ANKS6: variants seen among roughly 807,000 people sequenced by gnomAD.
The protein encoded by ANKS6 is ankyrin repeat and SAM domain-containing protein 6.
In ANKS6, 47 loss-of-function variants were observed where a neutral mutation model predicts 77.9. That is an observed-to-expected ratio of 0.60 (90% confidence interval 0.48 to 0.77). The LOEUF is 0.77. Among genes scored for constraint, ANKS6 ranks in the 30% least tolerant of loss-of-function variants. ANKS6 has a pLI of 0.00. For missense variants in ANKS6, 1,150 were observed against 1,159.1 expected, an observed-to-expected ratio of 0.99 and a Z score of 0.11; for synonymous variants, 488 against 501.7, an observed-to-expected ratio of 0.97 and a Z score of 0.37.
chr9:98,770,251 C>G (rs1325766626), intron 10 of ANKS6, among the ~76,000 whole-genome samples: 1 of 152,172 alleles, frequency 6.6e-6, no homozygotes, highest in Non-Finnish European at 1.5e-5. Context: ...TGCCTTTCAG[C>G]TTCTGCATGA....
At position 98,733,739 on chromosome 9, in the gene ANKS6, G is replaced by C. The variant is rs942047645; in HGVS notation, c.*2780C>G. 28 of 985,398 alleles carry C rather than the reference G, an allele frequency of 2.8e-5. No individual in the cohort carries two copies. In the African/African-American group the frequency reaches 4.7e-4, roughly 17 times the overall value. The allele number at this position is 985,398 out of a possible 1,614,324, so 61.0% of individuals were successfully genotyped here. A position where few individuals can be genotyped will look rare whatever the true frequency, so the allele number is the denominator to read the frequency against. ...TGCTGGCATGCTGAAGGTTGTGAGAGGCCTGTAGCAAAGATGATCGTGTAG... is the reference window on the plus strand; with the variant it reads ...TGCTGGCATGCTGAAGGTTGTGAGACGCCTGTAGCAAAGATGATCGTGTAG... On this transcript the variant is annotated 3_prime_UTR_variant, in exon 15 of 15. Coordinates refer to ENST00000353234, the MANE Select transcript of ANKS6 (RefSeq NM_173551.5).
At chr9:98,771,275 C>T (rs1219201559) in intron 9 of ANKS6, among the ~76,000 whole-genome samples, 1 of 152,220 alleles carries the variant, frequency 6.6e-6, no homozygotes, top group Admixed American at 6.5e-5. Context: ...ACATCATTTC[C>T]CATGGGCCAC....
chr9:98,796,502 A>ACGCGCGGCCCGCTCC lies in ANKS6; in HGVS notation c.-26_-12dup, dbSNP rs1835186885. On this transcript the variant is annotated 5_prime_UTR_variant, in exon 1 of 15. Coordinates refer to ENST00000353234, the MANE Select transcript of ANKS6 (RefSeq NM_173551.5). ...CCCGCCCTCGCCCATCGCCGCCGCC[A>ACGCGCGGCCCGCTCC]CGCGCGGCCCGCTCCCGTCCGCCCC... 1.0e-6 allele frequency: 1 copy of ACGCGCGGCCCGCTCC among 986,262 alleles called. No individual in the cohort carries two copies. 61.1% of individuals were successfully genotyped at this position (986,262 alleles called of 1,614,324 possible).
In ANKS6 at chr9:98,734,610, C is replaced by T; in HGVS notation, c.*1909G>A. On this transcript the variant is annotated 3_prime_UTR_variant, in exon 15 of 15. Coordinates refer to ENST00000353234, the MANE Select transcript of ANKS6 (RefSeq NM_173551.5). ...AAAAGGCACAGGCTTGCAAGCCCAC[C>T]AGGTCCGGTTCTGACCCCAGATCTG... is the stretch of plus-strand genomic sequence containing the variant. 1 of 981,766 alleles carries T rather than the reference C, an allele frequency of 1.0e-6. No homozygotes were observed. Among genetic ancestry groups the T allele is most frequent in the African/African-American group, 1.7e-5 (1 of 57,276 alleles). The allele number at this position is 981,766 out of a possible 1,614,324, so 60.8% of individuals were successfully genotyped here.
intron 14 of ANKS6, among the ~76,000 whole-genome samples, chr9:98,743,020 A>T (rs1831925565): frequency 1.3e-5 from 2 of 152,110 alleles, no homozygotes; most frequent in Non-Finnish European, 1.5e-5. Flanking sequence ...GCTTTTTGTG[A>T]TCCTGGGCCA....
Position 98,796,163 on chromosome 9 carries a change from T to C in ANKS6, c.329A>G (p.Tyr110Cys), listed in dbSNP as rs1253573627. The C allele has an allele frequency of 1.9e-5, 27 of 1,412,526 alleles. No homozygotes were observed. The highest frequency in any genetic ancestry group is 2.8e-5 in the Admixed American group (1 of 35,792). 87.5% of individuals were successfully genotyped at this position (1,412,526 alleles called of 1,614,324 possible). A position where few individuals can be genotyped will look rare whatever the true frequency, so the allele number is the denominator to read the frequency against. ...CGCCTGCATGAGCGCGCTCCAGCCG[T>C]AGTGGTTGCGGCTGTTGACCGAGGC... is the stretch of plus-strand genomic sequence containing the variant. ...RGASVNSRNH[Y>C]GWSALMQAAR... The change falls in exon 1 of 15, where the codon TAC becomes TGC. Residue 110 changes from tyrosine (Y) to cysteine (C), a missense_variant. Transcript: ENST00000353234.
Position 98,777,410 on chromosome 9 carries a change from T to C in ANKS6, c.1612A>G (p.Thr538Ala). 1.2e-6 allele frequency: 2 copies of C among 1,614,144 alleles called. No homozygotes were observed. The highest frequency in any genetic ancestry group is 1.7e-5 in the Admixed American group (1 of 60,026). The change falls in exon 8 of 15, where the codon ACC becomes GCC. Residue 538 changes from threonine to alanine, a missense_variant. Physicochemically the swap from Thr to Ala is moderately conservative, Grantham distance 58. Coordinates refer to ENST00000353234, the MANE Select transcript of ANKS6 (RefSeq NM_173551.5). Reference protein sequence around the residue: ...RGEKEDTLLTTMLRNGAPLTR... With the variant: ...RGEKEDTLLTAMLRNGAPLTR... ...TAGAAAAGCCCCACACTCACCATGGTTGTCAATAACGTGTCTTCCTTTTCT... is the reference window on the plus strand; with the variant it reads ...TAGAAAAGCCCCACACTCACCATGGCTGTCAATAACGTGTCTTCCTTTTCT...
chr9:98,794,142 C>A (rs1835053084), intron 1 of ANKS6, among the ~76,000 whole-genome samples: 1 of 76,990 alleles, frequency 1.3e-5, no homozygotes, highest in African/African-American at 6.1e-5. Context: ...GAGCGAGACT[C>A]CGTCTCAAAA....
Position 98,790,330 on chromosome 9 carries a change from C to G in ANKS6, c.636G>C (p.Glu212Asp). Residue 212 changes from glutamate to aspartate, a missense_variant, in exon 2 of 15, where the codon GAG (glutamate) becomes GAC (aspartate). By Grantham distance (45) the Glu-to-Asp change is conservative. Coordinates refer to ENST00000353234, the MANE Select transcript of ANKS6 (RefSeq NM_173551.5). ...GHEAVVRLLM[E>D]WGADPNHAAR... ...CTGCGTGGTTGGGGTCCGCGCCCCA[C>G]TCCATCAGTAGACGCACCACGGCCT... 1 of 1,610,990 alleles carries G rather than the reference C, an allele frequency of 6.2e-7. No individual in the cohort carries two copies. Among genetic ancestry groups the G allele is most frequent in the African/African-American group, 1.3e-5 (1 of 75,042 alleles).
At chr9:98,744,159 G>C (rs1564176107) in intron 14 of ANKS6, among the ~76,000 whole-genome samples, 1 of 152,232 alleles carries the variant, frequency 6.6e-6, no homozygotes, top group Non-Finnish European at 1.5e-5. Context: ...CATTTACAGA[G>C]GAGAAGGAAC....
At chr9:98,751,197 T>C (rs1196096104) in intron 12 of ANKS6, 101 bp from the exon 13 acceptor site, 4 of 972,118 alleles carry the variant, frequency 4.1e-6, no homozygotes, top group South Asian at 3.2e-5. Flanking sequence ...TCAAATGAAA[T>C]TCTATAAGAA....
intron 11 of ANKS6, among the ~76,000 whole-genome samples, chr9:98,760,367 G>C (rs1832941510): frequency 6.6e-6 from 1 of 152,112 alleles, no homozygotes; most frequent in African/African-American, 2.4e-5. Flanking sequence ...AGAGGTTATG[G>C]GGTAGAGTGA....
intron 11 of ANKS6, among the ~76,000 whole-genome samples, chr9:98,763,787 G>T (rs1237279933): frequency 6.6e-6 from 1 of 151,990 alleles, no homozygotes; most frequent in Non-Finnish European, 1.5e-5. Context: ...AATGAAAAAG[G>T]AGACATTCCT....
chr9:98,775,317 A>G (rs1833867987), intron 8 of ANKS6, among the ~76,000 whole-genome samples: 1 of 152,254 alleles, frequency 6.6e-6, no homozygotes, highest in African/African-American at 2.4e-5. Context: ...AAACGAAGGT[A>G]TAAGGACATT....
chr9:98,768,709 T>C (rs1833449403), intron 10 of ANKS6, among the ~76,000 whole-genome samples: 1 of 152,210 alleles, frequency 6.6e-6, no homozygotes, highest in South Asian at 2.1e-4. Flanking sequence ...TGTGGCCACC[T>C]ACTCTCACGA....
intron 13 of ANKS6, among the ~76,000 whole-genome samples, chr9:98,750,640 T>TA (rs1223859478): frequency 2.6e-5 from 4 of 152,168 alleles, no homozygotes; most frequent in Non-Finnish European, 5.9e-5. Context: ...TGAATGCTTT[T>TA]AAACACATAG....
chr9:98,790,344 G>A lies in ANKS6; in HGVS notation c.622C>T (p.Arg208Cys), dbSNP rs747614387. The stretch of plus-strand genomic sequence containing the variant: ...TCCGCGCCCCACTCCATCAGTAGAC[G>A]CACCACGGCCTCGTGCCCGTGCTGG... ...AIQHGHEAVV[R>C]LLMEWGADPN... Residue 208 changes from arginine (R) to cysteine (C), a missense_variant, in exon 2 of 15, where the codon CGT becomes TGT. Arg to Cys is a radical substitution (Grantham distance 180, BLOSUM62 -3). Coordinates refer to ENST00000353234, the MANE Select transcript of ANKS6 (RefSeq NM_173551.5). 11 of 1,612,410 alleles carry A rather than the reference G, an allele frequency of 6.8e-6. No individual in the cohort carries two copies. The African/African-American group carries it at 1.3e-4, about 20-fold the overall frequency.
At chr9:98,761,782 T>C (rs1235997987) in intron 11 of ANKS6, among the ~76,000 whole-genome samples, 2 of 152,198 alleles carry the variant, frequency 1.3e-5, no homozygotes, top group African/African-American at 4.8e-5. Context: ...ACTGATCTAT[T>C]TGTCTGCCCT....
chr9:98,778,351 C>A lies in ANKS6; in HGVS notation c.1442G>T (p.Ser481Ile). Residue 481 changes from serine (S) to isoleucine (I), a missense_variant, in exon 7 of 15, where the codon AGC becomes ATC. Transcript: ENST00000353234. ...LMQTLPRGLS[S>I]NQPLPFSDEP... ...GTCAGAGAAAGGCAAAGGCTGGTTG[C>A]TGGACAGCCCACGGGGCAGCGTCTG... The A allele has an allele frequency of 6.2e-7, 1 of 1,614,190 alleles. No homozygotes were observed. Among genetic ancestry groups the A allele is most frequent in the Non-Finnish European group, 8.5e-7 (1 of 1,180,038 alleles).
Sources: allele counts gnomAD v4.1 joint callset (sites outside exome capture counted in the v4.1 genomes callset), GRCh38; gene constraint gnomAD v4.1.1; transcripts MANE v1.5; gene names NCBI Gene and HGNC (gene_info 2026-07-23, HGNC 2026-07-21).